The following XPR1 variants were observed in gnomAD, a reference collection of about 807,000 sequenced individuals.
The protein encoded by XPR1 is solute carrier family 53 member 1.
A neutral mutation model predicts 87.5 loss-of-function variants in XPR1; 28 were observed. That is an observed-to-expected ratio of 0.32 (90% CI 0.24 to 0.44). XPR1 has a LOEUF of 0.44. XPR1 is among the 20% of genes least tolerant of loss of function. XPR1 has a pLI of 1.00. For missense variants in XPR1, 559 were observed against 862.3 expected, an observed-to-expected ratio of 0.65 and a Z score of 4.41; for synonymous variants, 300 against 306.1, an observed-to-expected ratio of 0.98 and a Z score of 0.21.
chr1:180,838,990 T>A (rs1287267498), intron 11 of XPR1, among the ~76,000 whole-genome samples: 1 of 152,218 alleles, frequency 6.6e-6, no homozygotes, highest in Non-Finnish European at 1.5e-5. Flanking sequence ...TTGTTGCAGA[T>A]AAACATTTCT....
intron 9 of XPR1, among the ~76,000 whole-genome samples, chr1:180,833,245 A>G (rs989076485): frequency 7.2e-5 from 11 of 152,224 alleles, no homozygotes; most frequent in Non-Finnish European, 5.9e-5. Context: ...AAGACCATCG[A>G]CAATTATGAA....
chr1:180,843,153 A>G (rs1651571477), intron 11 of XPR1, among the ~76,000 whole-genome samples: 1 of 152,208 alleles, frequency 6.6e-6, no homozygotes, highest in Non-Finnish European at 1.5e-5. Flanking sequence ...GGGTATGACC[A>G]GTTTATTACC....
chr1:180,715,129 A>G (rs1441664217), intron 2 of XPR1, among the ~76,000 whole-genome samples: 18 of 152,218 alleles, frequency 1.2e-4, no homozygotes, highest in Non-Finnish European at 7.3e-5. Context: ...CCTGGTTTGG[A>G]TACTACTAAG....
At chr1:180,877,468 A>T (rs2102223508) in intron 13 of XPR1, among the ~76,000 whole-genome samples, 1 of 152,316 alleles carries the variant, frequency 6.6e-6, no homozygotes, top group South Asian at 2.1e-4. Flanking sequence ...AGTCAACTGG[A>T]TATCCATATG....
At chr1:180,645,536 T>C (rs1337412669) in intron 1 of XPR1, among the ~76,000 whole-genome samples, 3 of 152,200 alleles carry the variant, frequency 2.0e-5, no homozygotes, top group Admixed American at 6.5e-5. Flanking sequence ...TGCGACCCAT[T>C]CTGTGTCACA....
chr1:180,684,429 C>T (rs1048300762), intron 2 of XPR1, among the ~76,000 whole-genome samples: 1 of 152,136 alleles, frequency 6.6e-6, no homozygotes, highest in Non-Finnish European at 1.5e-5. Context: ...CGTGATGCCT[C>T]CGGCTTTCTT....
At chr1:180,825,465 A>C in intron 9 of XPR1, 121 bp downstream of exon 9, 1 of 1,031,072 alleles carries the variant, frequency 9.7e-7, no homozygotes, top group Non-Finnish European at 1.3e-6. Context: ...ATTATAGTTT[A>C]TGTGAGTGGA....
intron 9 of XPR1, among the ~76,000 whole-genome samples, chr1:180,834,587 A>G (rs2102167091): frequency 6.6e-6 from 1 of 152,280 alleles, no homozygotes; most frequent in Middle Eastern, 3.4e-3. Flanking sequence ...TCCCTTAACA[A>G]TATTTGGATT....
chr1:180,709,348 T>C (rs998000405), intron 2 of XPR1, among the ~76,000 whole-genome samples: 9 of 152,264 alleles, frequency 5.9e-5, no homozygotes, highest in African/African-American at 1.7e-4. Context: ...TGATAAGTTA[T>C]GACATTTGTA....
intron 12 of XPR1, among the ~76,000 whole-genome samples, chr1:180,864,439 A>C (rs534232868): frequency 6.6e-6 from 1 of 152,300 alleles, no homozygotes; most frequent in East Asian, 1.9e-4. Flanking sequence ...TTCCAAGCAT[A>C]ATTACTGGTC....
chr1:180,755,957 A>C (rs532801865), intron 2 of XPR1, among the ~76,000 whole-genome samples: 2 of 152,216 alleles, frequency 1.3e-5, no homozygotes, highest in Non-Finnish European at 2.9e-5. Context: ...GGAGAGGGTC[A>C]GAGTACCTCC....
chr1:180,803,867 C>T (rs968661688), intron 4 of XPR1, among the ~76,000 whole-genome samples: 28 of 152,166 alleles, frequency 1.8e-4, no homozygotes, highest in African/African-American at 6.8e-4. Flanking sequence ...TAGTCCACAA[C>T]TCAAGGACTA....
At chr1:180,717,579 C>A (rs1205373984) in intron 2 of XPR1, among the ~76,000 whole-genome samples, 1 of 152,064 alleles carries the variant, frequency 6.6e-6, no homozygotes, top group Non-Finnish European at 1.5e-5. Flanking sequence ...CAGTCTATAT[C>A]TCCTACATCA....
intron 13 of XPR1, 109 bp downstream of exon 13, chr1:180,874,051 C>A: frequency 7.8e-7 from 1 of 1,289,108 alleles, no homozygotes; most frequent in Non-Finnish European, 1.0e-6. Flanking sequence ...CTTTAATTTT[C>A]CAACTTTTCT....
intron 3 of XPR1, among the ~76,000 whole-genome samples, chr1:180,795,213 C>A (rs954770140): frequency 3.9e-5 from 6 of 152,152 alleles, no homozygotes; most frequent in Non-Finnish European, 8.8e-5. Flanking sequence ...ACAGCTTTGC[C>A]ATTCTGAAGA....
chr1:180,747,772 G>A (rs965721004), intron 2 of XPR1, among the ~76,000 whole-genome samples: 6 of 152,160 alleles, frequency 3.9e-5, no homozygotes, highest in Non-Finnish European at 7.3e-5. Flanking sequence ...AGCCATAAAA[G>A]CGAAGCAAGC....
chr1:180,774,979 C>T (rs1032310273), intron 2 of XPR1, among the ~76,000 whole-genome samples: 1 of 152,160 alleles, frequency 6.6e-6, no homozygotes, highest in African/African-American at 2.4e-5. Flanking sequence ...AACACTATGT[C>T]CTTACATGGC....
chr1:180,757,484 AG>A (rs1457170001), intron 2 of XPR1, among the ~76,000 whole-genome samples: 1 of 151,526 alleles, frequency 6.6e-6, no homozygotes, highest in Non-Finnish European at 1.5e-5. Context: ...TGGCTTTCAA[AG>A]AAGATGGAAA....
intron 1 of XPR1, among the ~76,000 whole-genome samples, chr1:180,633,037 G>C (rs1416996391): frequency 6.6e-6 from 1 of 152,124 alleles, no homozygotes. Context: ...TTTATTTTCT[G>C]CTAAGTTTTT....
Sources: gnomAD v4.1 joint callset for allele counts (sites outside exome capture counted in the v4.1 genomes callset) on GRCh38, gnomAD v4.1.1 for gene constraint, MANE v1.5 for transcripts, NCBI Gene and HGNC (gene_info 2026-07-23, HGNC 2026-07-21) for gene names.